The following SSBP2 variants were observed in gnomAD, a reference collection of about 807,000 sequenced individuals.
SSBP2 encodes the protein single-stranded DNA-binding protein 2.
In SSBP2, 17 loss-of-function variants were observed where a neutral mutation model predicts 61.8. The ratio of observed to expected loss-of-function variants is 0.28; its 90% CI spans 0.19 to 0.41. SSBP2 has a LOEUF of 0.41. SSBP2 is among the 10% of genes least tolerant of loss of function. The probability of loss-of-function intolerance (pLI) is 1.00; values close to 1 mark genes in which losing one functional copy is unlikely to be tolerated. For missense variants in SSBP2, 310 were observed against 458.7 expected (o/e 0.68, Z 2.96); for synonymous variants, 139 against 141.3 (o/e 0.98, Z 0.12).
rs1023328432 is a variant in SSBP2 at position 81,418,636 on chromosome 5, C to T, written c.*1868G>A. The T allele has an allele frequency of 2.6e-5, 4 of 152,170 alleles. No homozygotes were observed. Among genetic ancestry groups the T allele is most frequent in the Non-Finnish European group, 5.9e-5 (4 of 68,026 alleles). The allele number at this position is 152,170 out of a possible 1,614,324, so 9.4% of individuals were successfully genotyped here. ...AACCTAGATGGTATAGGCTCCTACA[C>T]ACCTAGGCTATATAATATAAACTAT... On this transcript the variant is annotated 3_prime_UTR_variant, in exon 17 of 17. Transcript: ENST00000320672.
chr5:81,546,563 A>G (rs144232529), intron 4 of SSBP2, among the ~76,000 whole-genome samples: 81 of 152,030 alleles, frequency 5.3e-4, no homozygotes, highest in African/African-American at 1.4e-3. Flanking sequence ...GGCTTGAGTT[A>G]CTCTTACAAT....
rs557044929 is a variant in SSBP2, at chr5:81,610,174, C to T, written c.282+5299G>A. 1.8e-4 allele frequency among the ~76,000 whole-genome samples: 27 copies of T among 152,228 alleles called. No homozygotes were observed. The South Asian group carries it at 3.3e-3, about 19-fold the overall frequency. On this transcript the variant is annotated intron_variant, in intron 4 of 16. Transcript: ENST00000320672. ...GGCCGAGTGGGTGGACTGCTTCCTGCGGCAGGCAGCACGGCTGAGCAAGAC... is the reference window on the plus strand; with the variant it reads ...GGCCGAGTGGGTGGACTGCTTCCTGTGGCAGGCAGCACGGCTGAGCAAGAC...
At chr5:81,738,353 C>A (rs1316302429) in intron 1 of SSBP2, among the ~76,000 whole-genome samples, 1 of 152,120 alleles carries the variant, frequency 6.6e-6, no homozygotes, top group East Asian at 1.9e-4. Flanking sequence ...ATAAACTAAA[C>A]CTTGAGTTCA....
chr5:81,729,401 T>C (rs1756106461), intron 1 of SSBP2, among the ~76,000 whole-genome samples: 1 of 152,134 alleles, frequency 6.6e-6, no homozygotes, highest in Non-Finnish European at 1.5e-5. Flanking sequence ...CAATTAGAAA[T>C]AGGAACTGGA....
At chr5:81,428,719 A>G (rs753400180) in intron 15 of SSBP2, 36 bp from the exon 16 acceptor site, 1 of 1,510,160 alleles carries the variant, frequency 6.6e-7, no homozygotes, top group Non-Finnish European at 9.2e-7. Flanking sequence ...GCATTGTTGA[A>G]AATTTTAATT....
intron 1 of SSBP2, among the ~76,000 whole-genome samples, chr5:81,653,880 T>A (rs938553550): frequency 2.0e-5 from 3 of 152,186 alleles, no homozygotes; most frequent in African/African-American, 7.2e-5. Context: ...ATATTTTAAT[T>A]ATCACCTCTG....
chr5:81,524,954 T>C (rs1402728697), intron 4 of SSBP2, among the ~76,000 whole-genome samples: 2 of 152,024 alleles, frequency 1.3e-5, no homozygotes, highest in Non-Finnish European at 2.9e-5. Context: ...CTAGTTCCTA[T>C]GGCAGGGAAA....
intron 1 of SSBP2, among the ~76,000 whole-genome samples, chr5:81,700,241 T>C (rs1344181430): frequency 1.3e-5 from 2 of 152,190 alleles, no homozygotes; most frequent in African/African-American, 2.4e-5. Flanking sequence ...AGGGAAACAA[T>C]ATCAATCTCT....
intron 4 of SSBP2, among the ~76,000 whole-genome samples, chr5:81,574,748 T>C (rs1304334809): frequency 6.6e-6 from 1 of 150,758 alleles, no homozygotes; most frequent in East Asian, 2.0e-4. Context: ...GGAACCTAAA[T>C]AGAAACAGCA....
intron 2 of SSBP2, among the ~76,000 whole-genome samples, chr5:81,643,998 T>C (rs1295929892): frequency 6.6e-6 from 1 of 151,882 alleles, no homozygotes; most frequent in Non-Finnish European, 1.5e-5. Flanking sequence ...TCTAAAACTG[T>C]GCTGTTCAAC....
intron 9 of SSBP2, among the ~76,000 whole-genome samples, chr5:81,463,605 CAGG>C: frequency 6.6e-6 from 1 of 152,170 alleles, no homozygotes; most frequent in African/African-American, 2.4e-5. Flanking sequence ...GAGGCTGAGG[CAGG>C]AGAATTGCTT....
chr5:81,732,953 T>C (rs1454335956), intron 1 of SSBP2, among the ~76,000 whole-genome samples: 6 of 152,232 alleles, frequency 3.9e-5, no homozygotes, highest in Non-Finnish European at 8.8e-5. Context: ...AAAAAGATGA[T>C]TTCTGTCTTT....
chr5:81,656,003 G>A (rs1360230566), intron 1 of SSBP2, among the ~76,000 whole-genome samples: 1 of 151,930 alleles, frequency 6.6e-6, no homozygotes, highest in Non-Finnish European at 1.5e-5. Flanking sequence ...TAACAAAAGG[G>A]GTTTTTTTTA....
In SSBP2 at chr5:81,544,664, A is replaced by T. The variant is rs74636207; in HGVS notation, c.283-30947T>A. 4.1e-3 allele frequency among the ~76,000 whole-genome samples: 621 copies of T among 152,306 alleles called. 3 individuals carry two copies. Among genetic ancestry groups the T allele is most frequent in the African/African-American group, 0.014 (591 of 41,556 alleles). On this transcript the variant is annotated intron_variant, in intron 4 of 16. Coordinates refer to ENST00000320672, the MANE Select transcript of SSBP2 (RefSeq NM_012446.5). Reference sequence around the variant, plus strand: ...AAATGTGCTGATATCCTAATTGTTCAAAGGGGAAAAAAACAGAAAAATAAA... The same window carrying T: ...AAATGTGCTGATATCCTAATTGTTCTAAGGGGAAAAAAACAGAAAAATAAA...
intron 4 of SSBP2, among the ~76,000 whole-genome samples, chr5:81,574,313 G>T (rs988417268): frequency 6.6e-6 from 1 of 151,822 alleles, no homozygotes; most frequent in Non-Finnish European, 1.5e-5. Flanking sequence ...ATTTAACAGG[G>T]TATTAGCCCA....
chr5:81,472,951 G>C (rs1006915070), intron 8 of SSBP2, among the ~76,000 whole-genome samples: 1 of 152,162 alleles, frequency 6.6e-6, no homozygotes, highest in Admixed American at 6.5e-5. Context: ...TAAGAAAAGG[G>C]TAACAGTTAC....
At chr5:81,585,137 G>T (rs995833652) in intron 4 of SSBP2, among the ~76,000 whole-genome samples, 18 of 152,062 alleles carry the variant, frequency 1.2e-4, no homozygotes, top group African/African-American at 4.3e-4. Flanking sequence ...AAAAGTGATT[G>T]TGAGTTTATA....
intron 1 of SSBP2, among the ~76,000 whole-genome samples, chr5:81,712,930 C>T (rs1041253934): frequency 4.0e-5 from 6 of 151,556 alleles, no homozygotes; most frequent in Admixed American, 4.0e-4. Context: ...GTTTCACCAG[C>T]TTGTACAGGC....
At chr5:81,553,413 A>C (rs1772356812) in intron 4 of SSBP2, among the ~76,000 whole-genome samples, 1 of 152,168 alleles carries the variant, frequency 6.6e-6, no homozygotes. Flanking sequence ...ACCTCTCCAC[A>C]CACTACATAC....
Sources: allele counts gnomAD v4.1 joint callset (sites outside exome capture counted in the v4.1 genomes callset), GRCh38; gene constraint gnomAD v4.1.1; transcripts MANE v1.5; gene names NCBI Gene and HGNC (gene_info 2026-07-23, HGNC 2026-07-21).